The following PRSS12 variants were observed in gnomAD, a reference collection of about 807,000 sequenced individuals.
PRSS12 encodes the protein neurotrypsin.
In PRSS12, 85 loss-of-function variants were observed where a neutral mutation model predicts 104.4. The ratio of observed to expected loss-of-function variants is 0.81; its 90% CI spans 0.68 to 0.98. The LOEUF (loss-of-function observed/expected upper bound fraction) is 0.98. Among genes scored for constraint, PRSS12 ranks in the 50% least tolerant of loss-of-function variants. The pLI, the probability that PRSS12 is intolerant of heterozygous loss-of-function variation, is 0.00. For missense variants in PRSS12, 1,141 were observed against 1,139.2 expected (o/e 1.00, Z -0.02); for synonymous variants, 454 against 425.2 (o/e 1.07, Z -0.83).
intron 11 of PRSS12, among the ~76,000 whole-genome samples, chr4:118,285,951 C>T (rs1743004304): frequency 6.6e-6 from 1 of 152,120 alleles, no homozygotes; most frequent in South Asian, 2.1e-4. Flanking sequence ...ATCTATTCCG[C>T]ATTATCTATA....
rs79206449 is a variant in PRSS12, at chr4:118,319,612, C to T, written c.972-1056G>A. 8.0e-3 allele frequency among the ~76,000 whole-genome samples: 1,218 copies of T among 152,268 alleles called. 18 individuals carry two copies. The highest frequency in any genetic ancestry group is 0.028 in the African/African-American group (1,161 of 41,554). ...TCCTAAACATAAAATACACTCGACT[C>T]TAAACTTGTTTAAACTGCTGTTATT... On this transcript the variant is annotated intron_variant, in intron 4 of 12. Transcript: ENST00000296498.
At chr4:118,335,391 ATAAC>A in intron 3 of PRSS12, 78 bp downstream of exon 3, 1 of 1,506,472 alleles carries the variant, frequency 6.6e-7, no homozygotes, top group Non-Finnish European at 9.1e-7. Flanking sequence ...GGAAATGATT[ATAAC>A]TAAGACACTT....
intron 8 of PRSS12, 63 bp downstream of exon 8, chr4:118,308,373 T>G: frequency 6.3e-7 from 1 of 1,599,432 alleles, no homozygotes; most frequent in Non-Finnish European, 8.6e-7. Context: ...CTCATTAGAT[T>G]AAGCATTTAA....
intron 8 of PRSS12, chr4:118,303,485 T>C (rs559190786): frequency 7.2e-5 from 11 of 152,288 alleles, no homozygotes; most frequent in African/African-American, 2.4e-4. Flanking sequence ...CTCATTGATA[T>C]AGTGAAATCT....
chr4:118,335,634 T>C lies in PRSS12; in HGVS notation c.659A>G (p.Lys220Arg). ...QLQLGGKGIA[K>R]QTPFSGLGLI... The stretch of plus-strand genomic sequence containing the variant: ...GCCCAGTCCAGAAAACGGGGTTTGT[T>C]TTGCTATTCCTTTTCCTCTGGAAGT... The change falls in exon 3 of 13, where the codon AAA becomes AGA. Residue 220 changes from lysine to arginine, a missense_variant. By Grantham distance (26) the Lys-to-Arg change is conservative. Transcript: ENST00000296498. The C allele has an allele frequency of 6.2e-7, 1 of 1,613,996 alleles. No homozygotes were observed. The highest frequency in any genetic ancestry group is 8.5e-7 in the Non-Finnish European group (1 of 1,179,918).
At chr4:118,308,307 A>G in intron 8 of PRSS12, 129 bp downstream of exon 8, 1 of 1,264,214 alleles carries the variant, frequency 7.9e-7, no homozygotes, top group South Asian at 1.2e-5. Flanking sequence ...GATCAAATCA[A>G]TATGCTGCCA....
At chr4:118,324,637 C>G (rs1368630325) in intron 4 of PRSS12, among the ~76,000 whole-genome samples, 1 of 152,092 alleles carries the variant, frequency 6.6e-6, no homozygotes, top group Non-Finnish European at 1.5e-5. Context: ...AACATTGACT[C>G]TGGGGATGCT....
At chr4:118,284,312 T>A (rs1248153511) in intron 11 of PRSS12, among the ~76,000 whole-genome samples, 1 of 152,202 alleles carries the variant, frequency 6.6e-6, no homozygotes, top group Non-Finnish European at 1.5e-5. Flanking sequence ...TGCCCCCAGT[T>A]GAGAACCTCT....
At chr4:118,316,837 A>AAAAAATATATATATATATATAT (rs35698159) in intron 5 of PRSS12, among the ~76,000 whole-genome samples, 12 of 99,184 alleles carry the variant, frequency 1.2e-4, no homozygotes, top group African/African-American at 3.8e-4. Context: ...AAAAAAAAAA[A>AAAAAATATATATATATATATAT]ATATATATAT....
chr4:118,313,112 G>C (rs532592140), intron 7 of PRSS12, 89 bp downstream of exon 7: 8 of 1,502,128 alleles, frequency 5.3e-6, no homozygotes, highest in Non-Finnish European at 7.2e-6. Context: ...AAAAGCCAAA[G>C]ATGAGAAACA....
At chr4:118,306,459 C>T (rs965001499) in intron 8 of PRSS12, among the ~76,000 whole-genome samples, 5 of 152,072 alleles carry the variant, frequency 3.3e-5, no homozygotes, top group African/African-American at 1.2e-4. Context: ...CTGCTGATGC[C>T]CAGGGAGTTT....
rs750142036 is a variant in PRSS12 at position 118,308,395 on chromosome 4, T to C, written c.1631+41A>G. The C allele has an allele frequency of 1.7e-5, 27 of 1,612,534 alleles. No homozygotes were observed. The African/African-American group carries it at 2.5e-4, about 15-fold the overall frequency. On this transcript the variant is annotated intron_variant, in intron 8 of 12. Transcript: ENST00000296498. ...GATTAAGCATTTAAAAATTCAGATATGCTCATCAGTAACCATCCCAAATAA... is the reference window on the plus strand; with the variant it reads ...GATTAAGCATTTAAAAATTCAGATACGCTCATCAGTAACCATCCCAAATAA...
intron 1 of PRSS12, among the ~76,000 whole-genome samples, chr4:118,349,149 T>A (rs1724429730): frequency 6.6e-6 from 1 of 152,138 alleles, no homozygotes; most frequent in Admixed American, 6.5e-5. Context: ...TTTTTCTCAA[T>A]GCAATGAAAT....
At position 118,313,347 on chromosome 4, in the gene PRSS12, AT is replaced by A. The variant is rs763931945; in HGVS notation, c.1342del (p.Ile448TyrfsTer55). ...TGAGCAGCTGACGTCATCCAACCATATGGGCCCTGTGCTTTCTTCAAAATGG... is the reference window on the plus strand; with the variant it reads ...TGAGCAGCTGACGTCATCCAACCATAGGGCCCTGTGCTTTCTTCAAAATGG... ...ANHFEESTGP[I>X]WLDDVSCSGK... is the part of the protein sequence containing the mutation. On this transcript the variant is annotated frameshift_variant, in exon 7 of 13. Transcript: ENST00000296498. LOFTEE classifies it high-confidence loss of function. 4 of 1,614,012 alleles carry A rather than the reference AT, an allele frequency of 2.5e-6. No individual in the cohort carries two copies. Among genetic ancestry groups the A allele is most frequent in the Non-Finnish European group, 2.5e-6 (3 of 1,179,964 alleles).
chr4:118,295,682 C>G (rs1743236553), intron 10 of PRSS12, 96 bp downstream of exon 10: 1 of 1,132,898 alleles, frequency 8.8e-7, no homozygotes, highest in South Asian at 1.3e-5. Context: ...AAAATGAGTA[C>G]AAGTCCCTTA....
chr4:118,282,820 T>C lies in PRSS12; in HGVS notation c.2320+11A>G, dbSNP rs1391171655. 3 of 1,613,948 alleles carry C rather than the reference T, an allele frequency of 1.9e-6. No homozygotes were observed. Among genetic ancestry groups the C allele is most frequent in the African/African-American group, 2.7e-5 (2 of 74,938 alleles). ...CAAAAAGGTGCCCTGCTTTTTTTGATTATGCCTTACCTGTGTCACCCCATC... is the reference window on the plus strand; with the variant it reads ...CAAAAAGGTGCCCTGCTTTTTTTGACTATGCCTTACCTGTGTCACCCCATC... On this transcript the variant is annotated intron_variant, in intron 12 of 12. Transcript: ENST00000296498.
At chr4:118,290,117 T>C (rs1320349828) in intron 11 of PRSS12, among the ~76,000 whole-genome samples, 2 of 152,170 alleles carry the variant, frequency 1.3e-5, no homozygotes, top group Non-Finnish European at 2.9e-5. Flanking sequence ...AGTAGACACT[T>C]GGTGTATAAA....
intron 12 of PRSS12, 129 bp from the exon 13 acceptor site, chr4:118,282,372 T>C: frequency 8.3e-7 from 1 of 1,201,864 alleles, no homozygotes. Flanking sequence ...AAATGAGCAA[T>C]GACTAACTGG....
rs982008889 is a variant in PRSS12 at position 118,352,517 on chromosome 4, G to A, written c.204C>T (p.Pro68=). 2.1e-6 allele frequency: 3 copies of A among 1,458,398 alleles called. No individual in the cohort carries two copies. Among genetic ancestry groups the A allele is most frequent in the Admixed American group, 2.4e-5 (1 of 41,654 alleles). The allele number at this position is 1,458,398 out of a possible 1,614,324, so 90.3% of individuals were successfully genotyped here. Reference sequence around the variant, plus strand: ...GGCGCTGGGCAGGGAGCGCCCGCGGGGGGCGCGGGAAGCGCGGGAGAGGCG... The same window carrying A: ...GGCGCTGGGCAGGGAGCGCCCGCGGAGGGCGCGGGAAGCGCGGGAGAGGCG... ...PPPPLPRFPR[P]PRALPAQRPH... The change falls in exon 1 of 13, where the codon CCC becomes CCT. Residue 68 remains proline, a synonymous_variant. Coordinates refer to ENST00000296498, the MANE Select transcript of PRSS12 (RefSeq NM_003619.4).
Sources: gnomAD v4.1 joint callset for allele counts (sites outside exome capture counted in the v4.1 genomes callset) on GRCh38, gnomAD v4.1.1 for gene constraint, MANE v1.5 for transcripts, NCBI Gene and HGNC (gene_info 2026-07-23, HGNC 2026-07-21) for gene names.